The following DIAPH2 variants were observed in gnomAD, a reference collection of about 807,000 sequenced individuals.
DIAPH2 encodes protein diaphanous homolog 2.
DIAPH2 carries 35 observed loss-of-function variants against 92.7 expected under a neutral mutation model. The observed-to-expected ratio is 0.38, with a 90% CI of 0.29 to 0.50. The LOEUF is 0.50. DIAPH2 is among the 20% of genes least tolerant of loss of function. The pLI is 0.94. For missense variants in DIAPH2, 701 were observed against 819.5 expected (o/e 0.86, Z 1.77); for synonymous variants, 301 against 280.4 (o/e 1.07, Z -0.73).
In DIAPH2 at chrX:97,155,558, C is replaced by T. The variant is rs138049306; in HGVS notation, c.2719+13764C>T. Among the ~76,000 whole-genome samples, 124 of 110,642 alleles carry T rather than the reference C, an allele frequency of 1.1e-3. 1 individual carries two copies. The highest frequency in any genetic ancestry group is 4.1e-3 in the African/African-American group (124 of 30,422). The stretch of plus-strand genomic sequence containing the variant: ...ATACAGTGTTCCAGGATTTAGAGGA[C>T]CTGGAAGTATGCAAAGATTTATCAC... On this transcript the variant is annotated intron_variant, in intron 22 of 26. Coordinates refer to ENST00000324765, the MANE Select transcript of DIAPH2 (RefSeq NM_006729.5).
intron 4 of DIAPH2, among the ~76,000 whole-genome samples, chrX:96,785,079 C>T (rs1424793511): frequency 9.0e-6 from 1 of 111,483 alleles, no homozygotes. Flanking sequence ...TCAGCCATTG[C>T]TATTGTTGTT....
intron 23 of DIAPH2, among the ~76,000 whole-genome samples, chrX:97,347,299 C>A (rs1030145937): frequency 3.7e-5 from 4 of 108,448 alleles, no homozygotes; most frequent in African/African-American, 1.0e-4. Context: ...CTGTGTTGGC[C>A]AGGCTGGCCT....
chrX:96,925,918 C>T (rs922700393), intron 9 of DIAPH2, among the ~76,000 whole-genome samples: 1 of 111,861 alleles, frequency 8.9e-6, no homozygotes, highest in African/African-American at 3.2e-5. Context: ...TCAATTAACT[C>T]GCTCTGTACA....
chrX:97,365,974 A>C (rs775100259), intron 24 of DIAPH2, among the ~76,000 whole-genome samples: 1 of 111,624 alleles, frequency 9.0e-6, no homozygotes, highest in South Asian at 3.8e-4. Flanking sequence ...TGCTGGTGTG[A>C]GCCATCGCAC....
intron 17 of DIAPH2, among the ~76,000 whole-genome samples, chrX:97,041,419 A>G (rs2066447759): frequency 9.0e-6 from 1 of 111,432 alleles, no homozygotes; most frequent in Non-Finnish European, 1.9e-5. Context: ...TGTGGGAGCT[A>G]TGTTAACTGG....
chrX:97,497,192 A>G (rs926650245), intron 26 of DIAPH2, among the ~76,000 whole-genome samples: 1 of 111,636 alleles, frequency 9.0e-6, no homozygotes, highest in Non-Finnish European at 1.9e-5. Context: ...TATTACTGAA[A>G]GGAAGGAGAA....
At chrX:97,153,422 A>C (rs2067299945) in intron 22 of DIAPH2, among the ~76,000 whole-genome samples, 1 of 110,277 alleles carries the variant, frequency 9.1e-6, no homozygotes, top group East Asian at 2.8e-4. Flanking sequence ...GTCTCTACTA[A>C]AAATACAAAA....
chrX:97,405,981 G>A (rs1305363078), intron 25 of DIAPH2, among the ~76,000 whole-genome samples: 1 of 111,472 alleles, frequency 9.0e-6, no homozygotes, highest in Non-Finnish European at 1.9e-5. Flanking sequence ...CTCTCCCTGG[G>A]CATCCAGGGC....
At chrX:97,159,425 C>G (rs1208119332) in intron 22 of DIAPH2, among the ~76,000 whole-genome samples, 4 of 112,259 alleles carry the variant, frequency 3.6e-5, no homozygotes, top group Non-Finnish European at 7.5e-5. Flanking sequence ...TTAAAGAAAA[C>G]TTTTTTTCAA....
intron 1 of DIAPH2, among the ~76,000 whole-genome samples, chrX:96,704,957 G>A (rs866227753): frequency 9.6e-6 from 1 of 103,683 alleles, no homozygotes; most frequent in Non-Finnish European, 1.9e-5. Flanking sequence ...TGCATTCAGA[G>A]TTCAAAACAG....
intron 4 of DIAPH2, among the ~76,000 whole-genome samples, chrX:96,810,995 A>C (rs1166515372): frequency 8.9e-6 from 1 of 111,897 alleles, no homozygotes; most frequent in Non-Finnish European, 1.9e-5. Context: ...TTGTCTTGAC[A>C]ATGTGGGCTC....
chrX:96,763,181 T>G lies in DIAPH2; in HGVS notation c.447+4923T>G, dbSNP rs2064279488. ...AATTTGTGGTTTTGTAAATTGTGAT[T>G]TTTGCTTGTAGTATTTTATATGTTT... On this transcript the variant is annotated intron_variant, in intron 4 of 26. Transcript: ENST00000324765. The G allele has an allele frequency of 2.9e-5, 24 of 825,555 alleles. No homozygotes were observed. In the South Asian group the frequency reaches 5.6e-4, roughly 19 times the overall value. The allele number at this position is 825,555 out of a possible 1,213,427, so 68.0% of individuals were successfully genotyped here.
intron 26 of DIAPH2, among the ~76,000 whole-genome samples, chrX:97,551,238 T>C: frequency 9.0e-6 from 1 of 111,292 alleles, no homozygotes; most frequent in Non-Finnish European, 1.9e-5. Flanking sequence ...CAGCTATCGG[T>C]TATGATAAAC....
chrX:97,403,862 T>C (rs2069782046), intron 25 of DIAPH2, among the ~76,000 whole-genome samples: 2 of 109,699 alleles, frequency 1.8e-5, no homozygotes, highest in African/African-American at 6.6e-5. Context: ...TCCTTTTTTT[T>C]TTTTTTTGAG....
At chrX:97,012,871 A>G (rs1239218369) in intron 17 of DIAPH2, among the ~76,000 whole-genome samples, 2 of 112,542 alleles carry the variant, frequency 1.8e-5, no homozygotes, top group African/African-American at 3.2e-5. Flanking sequence ...AAAGAATGTT[A>G]TAGCTAAGAA....
At chrX:97,334,472 A>AAAAAAC (rs1556028857) in intron 23 of DIAPH2, among the ~76,000 whole-genome samples, 227 of 84,420 alleles carry the variant, frequency 2.7e-3, no homozygotes, top group African/African-American at 7.1e-3. Flanking sequence ...CAAAAAAAAA[A>AAAAAAC]AAAAAACAAA....
Position 96,863,376 on chromosome X carries a change from T to C in DIAPH2, c.448-18203T>C, listed in dbSNP as rs1040815522. ...TTTATTGAAACCATATATCCATGTT[T>C]TTTGAGTGACTTTGACCAGAACAGT... On this transcript the variant is annotated intron_variant, in intron 4 of 26. Coordinates refer to ENST00000324765, the MANE Select transcript of DIAPH2 (RefSeq NM_006729.5). 1.3e-4 allele frequency among the ~76,000 whole-genome samples: 14 copies of C among 109,686 alleles called. No homozygotes were observed. The South Asian group carries it at 5.2e-3, about 41-fold the overall frequency.
chrX:96,945,062 T>G, intron 13 of DIAPH2, among the ~76,000 whole-genome samples: 1 of 111,189 alleles, frequency 9.0e-6, no homozygotes, highest in Middle Eastern at 4.7e-3. Context: ...GATCAGAAGT[T>G]AAGTAAAAAT....
intron 25 of DIAPH2, among the ~76,000 whole-genome samples, chrX:97,422,202 TACAC>T (rs202055477): frequency 1.7e-4 from 19 of 109,610 alleles, no homozygotes; most frequent in South Asian, 7.9e-4. Flanking sequence ...TTTGTAAATT[TACAC>T]ACACACACAC....
Sources: gnomAD v4.1 joint callset for allele counts (sites outside exome capture counted in the v4.1 genomes callset) on GRCh38, gnomAD v4.1.1 for gene constraint, MANE v1.5 for transcripts, NCBI Gene and HGNC (gene_info 2026-07-23, HGNC 2026-07-21) for gene names.